The following HHAT variants were observed in gnomAD, a reference collection of about 807,000 sequenced individuals.
HHAT encodes protein-cysteine N-palmitoyltransferase HHAT.
In HHAT, 47 loss-of-function variants were observed where a neutral mutation model predicts 70.8. The observed-to-expected ratio is 0.66, with a 90% confidence interval of 0.53 to 0.85. The LOEUF (loss-of-function observed/expected upper bound fraction) is 0.85, where lower values mean the gene tolerates loss of function less well. Ranked by LOEUF, HHAT falls within the 40% of genes least tolerant of loss-of-function variation. HHAT has a pLI of 0.00. For synonymous variants in HHAT, 228 were observed against 247.6 expected (o/e 0.92, Z 0.74); for missense variants, 609 against 604.8 (o/e 1.01, Z -0.07).
At chr1:210,600,406 T>C (rs535924283) in intron 10 of HHAT, among the ~76,000 whole-genome samples, 32 of 152,152 alleles carry the variant, frequency 2.1e-4, no homozygotes, top group Non-Finnish European at 4.3e-4. Context: ...TTATTGAGTA[T>C]TGGGGGACTA....
intron 2 of HHAT, among the ~76,000 whole-genome samples, chr1:210,351,211 C>T (rs1403984323): frequency 6.6e-6 from 1 of 152,140 alleles, no homozygotes; most frequent in Non-Finnish European, 1.5e-5. Context: ...CTGAGATGGT[C>T]TAGCTCAAGC....
intron 11 of HHAT, among the ~76,000 whole-genome samples, chr1:210,661,410 G>A (rs968940220): frequency 5.3e-5 from 8 of 152,330 alleles, no homozygotes; most frequent in Admixed American, 5.2e-4. Flanking sequence ...AACAGATGCT[G>A]GAGAGGATGT....
intron 9 of HHAT, among the ~76,000 whole-genome samples, chr1:210,555,641 C>A (rs1170585553): frequency 6.6e-6 from 1 of 152,210 alleles, no homozygotes; most frequent in Non-Finnish European, 1.5e-5. Flanking sequence ...GACACACTGT[C>A]CCTCATAACT....
At chr1:210,570,655 G>C (rs908115200) in intron 9 of HHAT, among the ~76,000 whole-genome samples, 4 of 152,136 alleles carry the variant, frequency 2.6e-5, no homozygotes, top group African/African-American at 9.7e-5. Flanking sequence ...TGAAAGTTGG[G>C]GGTCACCCTT....
At chr1:210,402,730 C>T (rs1161302087) in intron 5 of HHAT, among the ~76,000 whole-genome samples, 1 of 152,204 alleles carries the variant, frequency 6.6e-6, no homozygotes, top group Non-Finnish European at 1.5e-5. Context: ...AAATCTTGGG[C>T]AGTGTTGGGT....
chr1:210,432,169 G>GGA (rs1242518720), intron 7 of HHAT, among the ~76,000 whole-genome samples: 2 of 151,832 alleles, frequency 1.3e-5, no homozygotes, highest in Admixed American at 6.5e-5. Flanking sequence ...GATTGGCAAT[G>GGA]GAGACAGGTA....
chr1:210,471,544 C>G lies in HHAT; in HGVS notation c.1007+6889C>G, dbSNP rs556300931. On this transcript the variant is annotated intron_variant, in intron 8 of 11. Transcript: ENST00000261458. ...TGAGGGGGGTGCTGAAAGGAGATAT[C>G]CTAATGCCTTACAGAGGAAGATGAG... Among the ~76,000 whole-genome samples the G allele has an allele frequency of 1.7e-3, 252 of 152,004 alleles. 1 individual carries two copies. The highest frequency in any genetic ancestry group is 2.4e-3 in the Non-Finnish European group (166 of 67,984).
chr1:210,484,661 T>C (rs911489020), intron 8 of HHAT, among the ~76,000 whole-genome samples: 36 of 152,204 alleles, frequency 2.4e-4, no homozygotes, highest in African/African-American at 8.2e-4. Context: ...TTTCTGACTT[T>C]GGCACTTACC....
Position 210,348,975 on chromosome 1 carries a change from C to T in HHAT, c.-1C>T, listed in dbSNP as rs2086773557. On this transcript the variant is annotated 5_prime_UTR_variant, in exon 2 of 12. Coordinates refer to ENST00000261458, the MANE Select transcript of HHAT (RefSeq NM_018194.6). ...ATCGGGAACCTTCGTGCCAAGGAGC[C>T]ATGCTGCCCCGATGGGAACTGGCAC... 6.2e-7 allele frequency: 1 copy of T among 1,613,750 alleles called. No individual in the cohort carries two copies. The highest frequency in any genetic ancestry group is 8.5e-7 in the Non-Finnish European group (1 of 1,179,882).
chr1:210,368,656 G>A (rs141192358), intron 3 of HHAT, among the ~76,000 whole-genome samples: 3 of 152,316 alleles, frequency 2.0e-5, no homozygotes, highest in African/African-American at 7.2e-5. Context: ...TATGGAGAAA[G>A]AGGTGATGGA....
intron 10 of HHAT, among the ~76,000 whole-genome samples, chr1:210,597,771 G>A (rs1663325176): frequency 6.6e-6 from 1 of 152,022 alleles, no homozygotes; most frequent in Non-Finnish European, 1.5e-5. Context: ...AAATGTCTGA[G>A]CCAAAACCTG....
chr1:210,578,050 A>C (rs1447642469), intron 9 of HHAT, among the ~76,000 whole-genome samples: 2 of 152,152 alleles, frequency 1.3e-5, no homozygotes, highest in Admixed American at 6.5e-5. Flanking sequence ...TCTTTTGATG[A>C]GTTGGAGAAG....
intron 7 of HHAT, among the ~76,000 whole-genome samples, chr1:210,441,043 T>A (rs1232239839): frequency 6.6e-6 from 1 of 152,186 alleles, no homozygotes; most frequent in African/African-American, 2.4e-5. Context: ...TGCCACAGTT[T>A]GTGAGGATGC....
rs138544482 is a variant in HHAT, at chr1:210,512,216, C to A, written c.1008-937C>A. On this transcript the variant is annotated intron_variant, in intron 8 of 11. Transcript: ENST00000261458. ...TTCAAATCCCCTGCTCAGGGCAGAC[C>A]CAGAGATGGGACAGGGTTGTTCTCT... Among the ~76,000 whole-genome samples the A allele has an allele frequency of 8.7e-4, 132 of 152,158 alleles. 1 individual carries two copies. Among genetic ancestry groups the A allele is most frequent in the Admixed American group, 1.6e-3 (24 of 15,286 alleles).
intron 1 of HHAT, among the ~76,000 whole-genome samples, chr1:210,344,111 T>TATC (rs903672629): frequency 6.6e-6 from 1 of 152,126 alleles, no homozygotes; most frequent in African/African-American, 2.4e-5. Context: ...TGCCAGAATG[T>TATC]ATCACTGTGC....
At chr1:210,374,185 T>C (rs890155813) in intron 3 of HHAT, 8 of 152,212 alleles carry the variant, frequency 5.3e-5, no homozygotes, top group African/African-American at 2.4e-5. Context: ...TACAAAAAAT[T>C]AGCTTATAAC....
At chr1:210,406,488 G>C (rs951213500) in intron 6 of HHAT, among the ~76,000 whole-genome samples, 4 of 151,884 alleles carry the variant, frequency 2.6e-5, no homozygotes, top group Admixed American at 1.3e-4. Context: ...CCACCTCCTG[G>C]GTTCAAGTGA....
intron 9 of HHAT, among the ~76,000 whole-genome samples, chr1:210,553,901 TG>T (rs1286017427): frequency 6.6e-6 from 1 of 152,202 alleles, no homozygotes; most frequent in African/African-American, 2.4e-5. Flanking sequence ...CACTCCTGCC[TG>T]GGGCTGACAT....
Position 210,579,974 on chromosome 1 carries a change from A to G in HHAT, c.1044-7924A>G, listed in dbSNP as rs578021018. On this transcript the variant is annotated intron_variant, in intron 9 of 11. Transcript: ENST00000261458. ...ACTACCAGCTTCATGGAGCGAAAAG[A>G]AAGATTATTTAAATGTTGGCATCTA... Among the ~76,000 whole-genome samples, 54 of 152,352 alleles carry G rather than the reference A, an allele frequency of 3.5e-4. No homozygotes were observed. In the South Asian group the frequency reaches 0.01, roughly 29 times the overall value.
Sources: gnomAD v4.1 joint callset for allele counts (sites outside exome capture counted in the v4.1 genomes callset) on GRCh38, gnomAD v4.1.1 for gene constraint, MANE v1.5 for transcripts, NCBI Gene and HGNC (gene_info 2026-07-23, HGNC 2026-07-21) for gene names.